Variants in LOC400499 observed in about 807,000 individuals in gnomAD.
At chr16:11,452,205 G>GT in the LOC400499 span, among the ~76,000 whole-genome samples, 6,550 of 89,760 alleles carry the variant, frequency 0.073, 551 homozygotes, top group African/African-American at 0.21. Context: ...TTTTTTGTTT[G>GT]TTTTTTTTTT....
the LOC400499 span, among the ~76,000 whole-genome samples, chr16:11,466,951 A>T: frequency 6.6e-6 from 1 of 152,034 alleles, no homozygotes; most frequent in Non-Finnish European, 1.5e-5. Context: ...GCACGCACAC[A>T]CACACATATA....
chr16:11,451,410 T>C, the LOC400499 span, among the ~76,000 whole-genome samples: 1,416 of 152,172 alleles, frequency 9.3e-3, 34 homozygotes, highest in African/African-American at 0.033. Context: ...CGAGACCCCA[T>C]CTCTACAACA....
the LOC400499 span, among the ~76,000 whole-genome samples, chr16:11,525,233 C>G: frequency 2.0e-5 from 3 of 150,398 alleles, no homozygotes; most frequent in Non-Finnish European, 4.4e-5. Context: ...GAGCCGAGAT[C>G]GCACCACTGC....
chr16:11,473,716 T>C, the LOC400499 span, among the ~76,000 whole-genome samples: 22 of 150,674 alleles, frequency 1.5e-4, no homozygotes, highest in Middle Eastern at 3.4e-3. Context: ...GACCGCACCA[T>C]TGCACTCCAG....
the LOC400499 span, among the ~76,000 whole-genome samples, chr16:11,474,807 C>A: frequency 6.6e-6 from 1 of 152,074 alleles, no homozygotes; most frequent in Admixed American, 6.6e-5. Context: ...GAGATGGAGG[C>A]TGCAGTGAGC....
chr16:11,510,441 C>T, the LOC400499 span, among the ~76,000 whole-genome samples: 1 of 151,802 alleles, frequency 6.6e-6, no homozygotes, highest in Non-Finnish European at 1.5e-5. Context: ...CTGCATCTTC[C>T]CAAAGCTGAC....
chr16:11,423,995 G>A, the LOC400499 span: 5 of 398,512 alleles, frequency 1.3e-5, no homozygotes, highest in East Asian at 3.6e-5. Flanking sequence ...CAAGATCACC[G>A]TCAGCCCGGC....
chr16:11,410,556 A>G, the LOC400499 span, among the ~76,000 whole-genome samples: 1 of 152,252 alleles, frequency 6.6e-6, no homozygotes, highest in South Asian at 2.1e-4. Context: ...TAAATGCGGC[A>G]GGGGACCCAG....
At chr16:11,498,993 G>A in the LOC400499 span, among the ~76,000 whole-genome samples, 1 of 139,530 alleles carries the variant, frequency 7.2e-6, no homozygotes, top group African/African-American at 2.7e-5. Context: ...AGTCCAGATG[G>A]GTTTGTGCTC....
chr16:11,508,159 G>A, the LOC400499 span, among the ~76,000 whole-genome samples: 20 of 152,060 alleles, frequency 1.3e-4, no homozygotes, highest in Non-Finnish European at 2.8e-4. Context: ...CATCTCTCTC[G>A]TGCTTTCCAT....
the LOC400499 span, chr16:11,523,422 G>C: frequency 7.5e-6 from 3 of 398,618 alleles, no homozygotes; most frequent in Non-Finnish European, 8.8e-6. Flanking sequence ...TCACTCACCT[G>C]TGCACGCAGT....
At chr16:11,413,783 G>C in the LOC400499 span, among the ~76,000 whole-genome samples, 4 of 152,106 alleles carry the variant, frequency 2.6e-5, no homozygotes, top group Non-Finnish European at 5.9e-5. Context: ...GGCATTAATG[G>C]GATGAACTCA....
the LOC400499 span, among the ~76,000 whole-genome samples, chr16:11,508,321 G>C: frequency 6.6e-6 from 1 of 152,218 alleles, no homozygotes; most frequent in African/African-American, 2.4e-5. Flanking sequence ...CTCCTGACTT[G>C]AAACAGCCAG....
the LOC400499 span, among the ~76,000 whole-genome samples, chr16:11,499,936 G>C: frequency 1.3e-5 from 2 of 152,156 alleles, no homozygotes; most frequent in Non-Finnish European, 2.9e-5. Context: ...TTGGGCCTCG[G>C]TTTTCTCACC....
the LOC400499 span, chr16:11,450,514 C>T: frequency 8.0e-7 from 1 of 1,249,112 alleles, no homozygotes. Context: ...GAGCTGCTAT[C>T]TGCCCACAGA....
chr16:11,493,596 C>T, the LOC400499 span: 8 of 395,468 alleles, frequency 2.0e-5, no homozygotes, highest in African/African-American at 1.7e-4. Flanking sequence ...GGTTCGAGAC[C>T]CACCACCACC....
chr16:11,493,068 G>T, the LOC400499 span, among the ~76,000 whole-genome samples: 13 of 152,310 alleles, frequency 8.5e-5, no homozygotes, highest in Admixed American at 7.2e-4. Flanking sequence ...ATGTGCTGGG[G>T]AGGAGGGATG....
At chr16:11,449,483 C>A in the LOC400499 span, among the ~76,000 whole-genome samples, 1 of 152,076 alleles carries the variant, frequency 6.6e-6, no homozygotes, top group South Asian at 2.1e-4. Context: ...CTTCGGGAGT[C>A]CTAGGAAGAG....
chr16:11,393,159 C>A, the LOC400499 span, among the ~76,000 whole-genome samples: 4 of 138,312 alleles, frequency 2.9e-5, no homozygotes, highest in Admixed American at 2.8e-4. Context: ...TGGCCACCCC[C>A]CCCCCTTTTT....
Sources: gnomAD v4.1 joint callset for allele counts (sites outside exome capture counted in the v4.1 genomes callset) on GRCh38, gnomAD v4.1.1 for gene constraint, MANE v1.5 for transcripts.